MSRA: variants seen among roughly 807,000 people sequenced by gnomAD.
MSRA encodes the protein methionine sulfoxide reductase A.
A neutral mutation model predicts 31.3 loss-of-function variants in MSRA; 54 were observed. The observed-to-expected ratio is 1.73, with a 90% CI of 1.39 to 2.17. The LOEUF is 2.17. Ranked by LOEUF, MSRA falls within the 30% of genes most tolerant of loss-of-function variation. MSRA has a pLI of 0.00. For missense variants in MSRA, 507 were observed against 300.9 expected (o/e 1.69, Z -5.07); for synonymous variants, 169 against 116.5 (o/e 1.45, Z -2.90).
intron 1 of MSRA, among the ~76,000 whole-genome samples, chr8:10,139,317 G>A (rs916803776): frequency 6.6e-6 from 1 of 152,058 alleles, no homozygotes; most frequent in African/African-American, 2.4e-5. Flanking sequence ...AATTTTAAAT[G>A]ATTCTTGTTT....
intron 4 of MSRA, among the ~76,000 whole-genome samples, chr8:10,313,654 A>T (rs1480768707): frequency 6.6e-6 from 1 of 152,182 alleles, no homozygotes; most frequent in Admixed American, 6.5e-5. Flanking sequence ...TGTTGTCGTC[A>T]GTGTTGTTGT....
intron 1 of MSRA, among the ~76,000 whole-genome samples, chr8:10,077,433 C>G (rs574968635): frequency 6.7e-6 from 1 of 149,188 alleles, no homozygotes; most frequent in Non-Finnish European, 1.5e-5. Context: ...AAATTTTGTA[C>G]TACTGTTTGT....
rs1808189731 is a variant in MSRA, at chr8:10,412,042, A to T, written c.544-16106A>T. Among the ~76,000 whole-genome samples, 4 of 152,228 alleles carry T rather than the reference A, an allele frequency of 2.6e-5. No homozygotes were observed. In the South Asian group the frequency reaches 8.3e-4, roughly 32 times the overall value. On this transcript the variant is annotated intron_variant, in intron 5 of 5. Transcript: ENST00000317173. ...AGTACTCATTTAAAATTACAGCAGA[A>T]ATCTTCTGATGCAAACTGCATTCTT...
At chr8:10,383,719 A>G (rs1225588247) in intron 5 of MSRA, among the ~76,000 whole-genome samples, 2 of 152,140 alleles carry the variant, frequency 1.3e-5, no homozygotes, top group African/African-American at 4.8e-5. Context: ...CCTTTCCTTA[A>G]TCTACATGGA....
intron 1 of MSRA, among the ~76,000 whole-genome samples, chr8:10,125,455 T>C (rs1320180469): frequency 1.3e-5 from 2 of 152,106 alleles, no homozygotes; most frequent in Non-Finnish European, 2.9e-5. Context: ...GGAGTGAGAA[T>C]CACCTGTGCA....
chr8:10,347,584 G>A (rs936743598), intron 5 of MSRA, among the ~76,000 whole-genome samples: 3 of 152,166 alleles, frequency 2.0e-5, no homozygotes, highest in Admixed American at 6.5e-5. Context: ...CCTGCCGCCT[G>A]GTCACTGGGT....
At chr8:10,196,860 C>G (rs1032269494) in intron 1 of MSRA, among the ~76,000 whole-genome samples, 1 of 152,174 alleles carries the variant, frequency 6.6e-6, no homozygotes, top group African/African-American at 2.4e-5. Context: ...GCATGAGCCA[C>G]TGTACCTGGC....
intron 1 of MSRA, among the ~76,000 whole-genome samples, chr8:10,092,160 C>G (rs1005500864): frequency 2.6e-5 from 4 of 151,990 alleles, no homozygotes; most frequent in Admixed American, 6.6e-5. Context: ...CCACTCTAGT[C>G]TTTATTATTT....
chr8:10,328,027 A>T (rs1450940481), intron 5 of MSRA, among the ~76,000 whole-genome samples: 2 of 65,308 alleles, frequency 3.1e-5, no homozygotes, highest in Admixed American at 1.9e-4. Context: ...CTCTATGGTA[A>T]TTTTTTTTTT....
intron 5 of MSRA, among the ~76,000 whole-genome samples, chr8:10,418,803 T>C (rs1808630972): frequency 8.7e-6 from 1 of 114,324 alleles, no homozygotes; most frequent in Admixed American, 1.2e-4. Flanking sequence ...GTTATGTGTA[T>C]TTTACTACGA....
At chr8:10,295,983 T>G (rs977886186) in intron 3 of MSRA, among the ~76,000 whole-genome samples, 1 of 152,326 alleles carries the variant, frequency 6.6e-6, no homozygotes, top group African/African-American at 2.4e-5. Context: ...AAACCTGGCT[T>G]AATAAGAAAC....
chr8:10,092,934 C>T (rs1256206132), intron 1 of MSRA, among the ~76,000 whole-genome samples: 7 of 152,200 alleles, frequency 4.6e-5, no homozygotes, highest in South Asian at 2.1e-4. Flanking sequence ...CATTATAAAA[C>T]GTCCTTCTTT....
intron 1 of MSRA, among the ~76,000 whole-genome samples, chr8:10,063,557 C>T (rs1203779880): frequency 2.6e-5 from 4 of 152,072 alleles, no homozygotes; most frequent in Non-Finnish European, 4.4e-5. Context: ...AAATCCTCAC[C>T]CCCCCAGGTG....
intron 1 of MSRA, among the ~76,000 whole-genome samples, chr8:10,182,434 C>G (rs1247127861): frequency 6.6e-6 from 1 of 152,198 alleles, no homozygotes; most frequent in Non-Finnish European, 1.5e-5. Flanking sequence ...TCCTCTACTT[C>G]AGAGTCTCTC....
chr8:10,147,969 C>T (rs1803305402), intron 1 of MSRA, among the ~76,000 whole-genome samples: 3 of 152,186 alleles, frequency 2.0e-5, no homozygotes, highest in Admixed American at 2.0e-4. Context: ...GGAAGCGAGT[C>T]TCCCATGGTT....
chr8:10,155,128 C>T (rs934909999), intron 1 of MSRA, among the ~76,000 whole-genome samples: 2 of 151,964 alleles, frequency 1.3e-5, no homozygotes, highest in Non-Finnish European at 2.9e-5. Flanking sequence ...AAGTTATACT[C>T]ACACCACATA....
intron 5 of MSRA, among the ~76,000 whole-genome samples, chr8:10,423,443 A>T (rs752274767): frequency 2.7e-5 from 4 of 146,514 alleles, no homozygotes; most frequent in Non-Finnish European, 6.1e-5. Context: ...GGAGACTGGC[A>T]TGCACCCATG....
chr8:10,342,045 C>T (rs1240745625), intron 5 of MSRA, among the ~76,000 whole-genome samples: 1 of 152,184 alleles, frequency 6.6e-6, no homozygotes, highest in Admixed American at 6.5e-5. Flanking sequence ...AGCGTCTTTC[C>T]ACTGCCGTCT....
intron 5 of MSRA, among the ~76,000 whole-genome samples, chr8:10,418,205 G>T (rs1563459023): frequency 6.6e-6 from 1 of 152,222 alleles, no homozygotes; most frequent in Non-Finnish European, 1.5e-5. Flanking sequence ...TTCCTTTGGT[G>T]GGTGTAGGGG....
Sources: allele counts gnomAD v4.1 joint callset (sites outside exome capture counted in the v4.1 genomes callset), GRCh38; gene constraint gnomAD v4.1.1; transcripts MANE v1.5; gene names NCBI Gene and HGNC (gene_info 2026-07-23, HGNC 2026-07-21).